The following MAP3K13 variants were observed in gnomAD, a reference collection of about 807,000 sequenced individuals.
MAP3K13 encodes mitogen-activated protein kinase kinase kinase 13.
MAP3K13 carries 52 observed loss-of-function variants against 104.0 expected under a neutral mutation model. The ratio of observed to expected loss-of-function variants is 0.50; its 90% CI spans 0.40 to 0.63. The LOEUF (loss-of-function observed/expected upper bound fraction) is 0.63. Among genes scored for constraint, MAP3K13 ranks in the 20% least tolerant of loss-of-function variants. The pLI is 0.00. For missense variants in MAP3K13, 914 were observed against 1,218.5 expected (o/e 0.75, Z 3.72); for synonymous variants, 394 against 442.2 (o/e 0.89, Z 1.37).
intron 1 of MAP3K13, among the ~76,000 whole-genome samples, chr3:185,380,713 A>T (rs1724675732): frequency 1.3e-5 from 2 of 152,100 alleles, no homozygotes; most frequent in African/African-American, 4.8e-5. Context: ...GATTTTGCTA[A>T]AAAAACAAAT....
At chr3:185,470,576 C>T (rs1295509297) in intron 10 of MAP3K13, among the ~76,000 whole-genome samples, 3 of 152,176 alleles carry the variant, frequency 2.0e-5, no homozygotes, top group African/African-American at 7.2e-5. Flanking sequence ...CCCTCCCTTC[C>T]TTTTCCTTCC....
intron 2 of MAP3K13, among the ~76,000 whole-genome samples, chr3:185,320,693 T>C (rs1046675208): frequency 2.0e-5 from 3 of 152,314 alleles, no homozygotes; most frequent in South Asian, 2.1e-4. Context: ...AGTATTACCT[T>C]CCGGCTTGCA....
intron 2 of MAP3K13, among the ~76,000 whole-genome samples, chr3:185,357,321 G>A (rs754268876): frequency 2.0e-5 from 3 of 151,486 alleles, no homozygotes; most frequent in Non-Finnish European, 4.4e-5. Flanking sequence ...GGTGGCGGGC[G>A]CCTGTAATCT....
At chr3:185,344,883 A>ATTTTTTT (rs147866083) in intron 2 of MAP3K13, among the ~76,000 whole-genome samples, 3 of 149,292 alleles carry the variant, frequency 2.0e-5, no homozygotes, top group African/African-American at 7.6e-5. Flanking sequence ...TAATCTCATA[A>ATTTTTTT]TTTATTTTTT....
At chr3:185,432,146 C>T (rs1026171423) in intron 2 of MAP3K13, among the ~76,000 whole-genome samples, 1 of 150,768 alleles carries the variant, frequency 6.6e-6, no homozygotes, top group South Asian at 2.1e-4. Flanking sequence ...ATTAAAATCA[C>T]CTGTCTTTCC....
chr3:185,347,655 G>A (rs1392175327), intron 2 of MAP3K13, among the ~76,000 whole-genome samples: 4 of 152,138 alleles, frequency 2.6e-5, no homozygotes, highest in African/African-American at 9.7e-5. Flanking sequence ...GGCATTTTGA[G>A]GGAACAATAC....
chr3:185,359,097 A>G (rs1723494876), upstream of MAP3K13, among the ~76,000 whole-genome samples: 2 of 152,232 alleles, frequency 1.3e-5, no homozygotes. Context: ...TTTACAAAAG[A>G]AAGAGGTTTA....
chr3:185,405,621 C>T (rs948202913), intron 1 of MAP3K13, among the ~76,000 whole-genome samples: 1 of 152,220 alleles, frequency 6.6e-6, no homozygotes, highest in African/African-American at 2.4e-5. Flanking sequence ...ATCCTTCACT[C>T]GTTCTTCACT....
intron 1 of MAP3K13, among the ~76,000 whole-genome samples, chr3:185,401,113 T>G (rs1299853030): frequency 6.6e-6 from 1 of 152,156 alleles, no homozygotes; most frequent in Non-Finnish European, 1.5e-5. Context: ...GGTGAACACA[T>G]CATCAGCAGT....
At chr3:185,290,927 A>G (rs1177744040) in intron 2 of MAP3K13, among the ~76,000 whole-genome samples, 2 of 152,222 alleles carry the variant, frequency 1.3e-5, no homozygotes, top group Non-Finnish European at 2.9e-5. Flanking sequence ...AGGGAGAGGT[A>G]TGGAACAGAG....
chr3:185,302,267 G>A (rs986262991), intron 2 of MAP3K13, among the ~76,000 whole-genome samples: 1 of 151,202 alleles, frequency 6.6e-6, no homozygotes, highest in African/African-American at 2.4e-5. Context: ...AAAAAAATTA[G>A]CTGAGTGTGG....
At chr3:185,390,621 A>ATTT (rs750832762) in intron 1 of MAP3K13, among the ~76,000 whole-genome samples, 16 of 123,682 alleles carry the variant, frequency 1.3e-4, no homozygotes, top group East Asian at 2.3e-4. Flanking sequence ...TACAGTCAGA[A>ATTT]TTTTTTTTTT....
chr3:185,436,807 A>T (rs944693565), intron 2 of MAP3K13, among the ~76,000 whole-genome samples: 11 of 152,020 alleles, frequency 7.2e-5, no homozygotes, highest in African/African-American at 2.7e-4. Flanking sequence ...GTTCGAGACC[A>T]GTCTGACCAA....
intron 2 of MAP3K13, among the ~76,000 whole-genome samples, chr3:185,432,958 A>G (rs1250255414): frequency 6.6e-6 from 1 of 152,192 alleles, no homozygotes; most frequent in African/African-American, 2.4e-5. Flanking sequence ...TTTCCTTGTC[A>G]GGTCTGGGAT....
At chr3:185,322,086 G>C (rs965717860) in intron 2 of MAP3K13, among the ~76,000 whole-genome samples, 6 of 152,130 alleles carry the variant, frequency 3.9e-5, no homozygotes, top group African/African-American at 1.4e-4. Context: ...GTCTTTAAAA[G>C]CTCATGTAAA....
intron 2 of MAP3K13, among the ~76,000 whole-genome samples, chr3:185,352,711 G>A (rs145410106): frequency 3.3e-5 from 5 of 152,248 alleles, no homozygotes; most frequent in African/African-American, 1.2e-4. Context: ...TTAAAAAAAT[G>A]TATACTTGAT....
rs1718651303 is a variant in MAP3K13, at chr3:185,484,967, T to G, written c.*2511T>G. 6.6e-6 allele frequency: 1 copy of G among 152,136 alleles called. No individual in the cohort carries two copies. The highest frequency in any genetic ancestry group is 2.4e-5 in the African/African-American group (1 of 41,426). 9.4% of individuals were successfully genotyped at this position (152,136 alleles called of 1,614,324 possible). A position where few individuals can be genotyped will look rare whatever the true frequency, so the allele number is the denominator to read the frequency against. On this transcript the variant is annotated 3_prime_UTR_variant, in exon 14 of 14. Coordinates refer to ENST00000265026, the MANE Select transcript of MAP3K13 (RefSeq NM_004721.5). The stretch of plus-strand genomic sequence containing the variant: ...ATTGATCTTAGCTGTGTTCCCTAAT[T>G]TTCTGTGTACAACAATCATCTGAGG...
In MAP3K13 at chr3:185,377,154, G is replaced by T. The variant is rs929115572; in HGVS notation, c.-86+13786G>T. On this transcript the variant is annotated intron_variant, in intron 1 of 13. Transcript: ENST00000265026. ...TAAGGCACAGATCCTGAACTAACCTGCAAGTCGTGTCCGGTTTTTGGACAG... is the reference window on the plus strand; with the variant it reads ...TAAGGCACAGATCCTGAACTAACCTTCAAGTCGTGTCCGGTTTTTGGACAG... Among the ~76,000 whole-genome samples, 4 of 152,322 alleles carry T rather than the reference G, an allele frequency of 2.6e-5. 1 individual carries two copies. In the South Asian group the frequency reaches 8.3e-4, roughly 32 times the overall value.
chr3:185,367,811 G>T (rs775063514), intron 1 of MAP3K13, among the ~76,000 whole-genome samples: 5 of 152,100 alleles, frequency 3.3e-5, no homozygotes, highest in Non-Finnish European at 7.3e-5. Context: ...ACCCAGGCTG[G>T]TCTCAAACTC....
Sources: gnomAD v4.1 joint callset for allele counts (sites outside exome capture counted in the v4.1 genomes callset) on GRCh38, gnomAD v4.1.1 for gene constraint, MANE v1.5 for transcripts, NCBI Gene and HGNC (gene_info 2026-07-23, HGNC 2026-07-21) for gene names.